RAB4B: variants seen among roughly 807,000 people sequenced by gnomAD.
RAB4B encodes RAB4B, member RAS oncogene family, also known as ras-related protein Rab-4B.
A neutral mutation model predicts 28.3 loss-of-function variants in RAB4B; 15 were observed. The observed-to-expected ratio is 0.53, with a 90% CI of 0.35 to 0.82. The LOEUF is 0.82. RAB4B is among the 40% of genes least tolerant of loss of function. RAB4B has a pLI of 0.01. For synonymous variants in RAB4B, 108 were observed against 116.3 expected, an observed-to-expected ratio of 0.93 and a Z score of 0.46; for missense variants, 244 against 288.5, an observed-to-expected ratio of 0.85 and a Z score of 1.12.
At chr19:40,794,220 G>T (rs1247024336) in intron 7 of RAB4B, among the ~76,000 whole-genome samples, 1 of 150,566 alleles carries the variant, frequency 6.6e-6, no homozygotes, top group African/African-American at 2.5e-5. Context: ...GATTACAGGC[G>T]CCCGCCACCA....
At chr19:40,796,480 T>C (rs1458409108) in intron 7 of RAB4B, 90 bp from the exon 8 acceptor site, 2 of 152,264 alleles carry the variant, frequency 1.3e-5, no homozygotes, top group African/African-American at 2.4e-5. Context: ...CCGATGCAGA[T>C]AGGAGGGGAA....
At position 40,786,658 on chromosome 19, in the gene RAB4B, C is replaced by G; in HGVS notation, c.431-7C>G. On this transcript the variant is annotated splice_polypyrimidine_tract_variant and splice_region_variant and intron_variant, in intron 5 of 7. Coordinates refer to ENST00000357052, the MANE Select transcript of RAB4B (RefSeq NM_016154.5). ...GGGCCCTGACCTCAGAGTGTGTGCC[C>G]CTGCAGAGCTGATGTTCCTGGAGAC... 1.9e-6 allele frequency: 3 copies of G among 1,613,814 alleles called. No homozygotes were observed. The highest frequency in any genetic ancestry group is 1.7e-5 in the Admixed American group (1 of 59,984).
At position 40,778,375 on chromosome 19, in the gene RAB4B, C is replaced by T; in HGVS notation, c.-1C>T. ...CGGCCCTCAGCGGCCGCGACCGAGT[C>T]ATGGCTGAGACCTACGGTGAGGGTG... On this transcript the variant is annotated 5_prime_UTR_variant, in exon 1 of 8. Coordinates refer to ENST00000357052, the MANE Select transcript of RAB4B (RefSeq NM_016154.5). 6.8e-7 allele frequency: 1 copy of T among 1,481,442 alleles called. No homozygotes were observed. The highest frequency in any genetic ancestry group is 8.9e-7 in the Non-Finnish European group (1 of 1,122,810). The allele number at this position is 1,481,442 out of a possible 1,614,324, so 91.8% of individuals were successfully genotyped here.
At chr19:40,793,558 T>G (rs550321668) in intron 7 of RAB4B, among the ~76,000 whole-genome samples, 1 of 147,226 alleles carries the variant, frequency 6.8e-6, no homozygotes, top group East Asian at 2.0e-4. Context: ...CTTTTTTCTT[T>G]TCTTTTCTTT....
At chr19:40,794,354 C>T (rs2083188428) in intron 7 of RAB4B, among the ~76,000 whole-genome samples, 1 of 151,970 alleles carries the variant, frequency 6.6e-6, no homozygotes, top group Non-Finnish European at 1.5e-5. Context: ...GGATTATAGG[C>T]ATGAGCCACT....
intron 3 of RAB4B, among the ~76,000 whole-genome samples, chr19:40,781,885 G>A (rs913993064): frequency 6.6e-6 from 1 of 151,972 alleles, no homozygotes; most frequent in African/African-American, 2.4e-5. Flanking sequence ...GCTGGGTGTG[G>A]TGGCAGACGC....
Position 40,786,958 on chromosome 19 carries a change from T to G in RAB4B, c.637T>G (p.Cys213Gly), listed in dbSNP as rs2083105782. Residue 213 changes from cysteine to glycine, a missense_variant, in exon 7 of 8, where the codon TGC (cysteine) becomes GGC (glycine). Cys to Gly is a radical substitution (Grantham distance 159). Coordinates refer to ENST00000357052, the MANE Select transcript of RAB4B (RefSeq NM_016154.5). ...AQAVAPQPCG[C>G] is the part of the protein sequence containing the mutation. The stretch of plus-strand genomic sequence containing the variant: ...GGCCGTGGCCCCTCAGCCGTGTGGC[T>G]GCTGAGCTCTGTGGAGCCAGGTGGG... The G allele has an allele frequency of 6.2e-7, 1 of 1,613,598 alleles. No homozygotes were observed. The highest frequency in any genetic ancestry group is 8.5e-7 in the Non-Finnish European group (1 of 1,179,790).
In RAB4B at chr19:40,778,281, G is replaced by C. The variant is rs1599736459; in HGVS notation, c.-95G>C. ...GGTGCCGGGCCCGGGGAGTAGGAAGGAGCCGGGGCTGTAGCCGGAGTGGAG... is the reference window on the plus strand; with the variant it reads ...GGTGCCGGGCCCGGGGAGTAGGAAGCAGCCGGGGCTGTAGCCGGAGTGGAG... On this transcript the variant is annotated 5_prime_UTR_variant, in exon 1 of 8. Coordinates refer to ENST00000357052, the MANE Select transcript of RAB4B (RefSeq NM_016154.5). 4.7e-6 allele frequency: 6 copies of C among 1,278,206 alleles called. No individual in the cohort carries two copies. The East Asian group carries it at 1.8e-4, about 38-fold the overall frequency. The allele number at this position is 1,278,206 out of a possible 1,614,324, so 79.2% of individuals were successfully genotyped here.
intron 3 of RAB4B, among the ~76,000 whole-genome samples, chr19:40,781,616 A>G (rs1203974633): frequency 1.3e-5 from 2 of 152,204 alleles, no homozygotes; most frequent in African/African-American, 4.8e-5. Context: ...CAAAAGAGAG[A>G]TGGAGAAATG....
chr19:40,787,757 T>G (rs2083115298), intron 7 of RAB4B, among the ~76,000 whole-genome samples: 1 of 149,156 alleles, frequency 6.7e-6, no homozygotes, highest in Non-Finnish European at 1.5e-5. Context: ...AGGTCAGGAG[T>G]TCTAGACCAG....
At chr19:40,780,569 G>T in intron 3 of RAB4B, 70 bp downstream of exon 3, 1 of 1,306,942 alleles carries the variant, frequency 7.7e-7, no homozygotes, top group East Asian at 2.5e-5. Context: ...TGTGTGTGTA[G>T]AGTCACTTGG....
intron 5 of RAB4B, among the ~76,000 whole-genome samples, chr19:40,784,659 C>T (rs1256977688): frequency 3.9e-5 from 6 of 152,252 alleles, no homozygotes; most frequent in Middle Eastern, 3.4e-3. Context: ...TCCTTAGCAC[C>T]CGCCACAGAG....
At position 40,789,034 on chromosome 19, in the gene RAB4B, C is replaced by T. The variant is rs181130098; in HGVS notation, c.*15+2056C>T. ...TGACCTTGTGATCTGCCCGCCTCGG[C>T]CTCTCAAAGTGCCGGGATTACAGTG... On this transcript the variant is annotated intron_variant, in intron 7 of 7. Transcript: ENST00000357052. 4.0e-5 allele frequency among the ~76,000 whole-genome samples: 6 copies of T among 151,802 alleles called. No homozygotes were observed. In the East Asian group the frequency reaches 7.8e-4, roughly 20 times the overall value.
intron 7 of RAB4B, among the ~76,000 whole-genome samples, chr19:40,791,493 T>C (rs1177807440): frequency 1.3e-5 from 2 of 152,068 alleles, no homozygotes; most frequent in Non-Finnish European, 2.9e-5. Context: ...TCCCTACCTC[T>C]CAGGCCACTC....
At chr19:40,795,360 G>A (rs971779867) in intron 7 of RAB4B, among the ~76,000 whole-genome samples, 1 of 148,312 alleles carries the variant, frequency 6.7e-6, no homozygotes, top group Non-Finnish European at 1.5e-5. Flanking sequence ...AGATACAAAG[G>A]CAGGTTCATT....
chr19:40,779,712 C>T (rs1599737815), intron 1 of RAB4B: 1 of 401,894 alleles, frequency 2.5e-6, no homozygotes, highest in South Asian at 2.9e-5. Flanking sequence ...CATTGCACTC[C>T]AGCCTGGGCA....
In RAB4B at chr19:40,783,919, AG is replaced by A. The variant is rs1405287409; in HGVS notation, c.276-1del. ...CCTCCCTCCCTTCTCCCTTCTCCAC[AG>A]CCGGGAGACATACAACTCACTGGCT... On this transcript the variant is annotated splice_acceptor_variant, in intron 4 of 7. Transcript: ENST00000357052. LOFTEE classifies it high-confidence loss of function. 6.2e-7 allele frequency: 1 copy of A among 1,602,558 alleles called. No individual in the cohort carries two copies. The highest frequency in any genetic ancestry group is 1.3e-5 in the African/African-American group (1 of 74,852).
intron 7 of RAB4B, among the ~76,000 whole-genome samples, chr19:40,793,554 T>C (rs982280480): frequency 2.5e-4 from 37 of 147,738 alleles, no homozygotes; most frequent in African/African-American, 8.5e-4. Context: ...TTTCCTTTTT[T>C]CTTTTCTTTT....
chr19:40,781,707 A>T lies in RAB4B; in HGVS notation c.212+1208A>T, dbSNP rs2083049911. ...TCTTCAGGAAATGCCTGCAGAGCAG[A>T]AAAGTTGATAGACACATAGAAACCT... is the stretch of plus-strand genomic sequence containing the variant. On this transcript the variant is annotated intron_variant, in intron 3 of 7. Coordinates refer to ENST00000357052, the MANE Select transcript of RAB4B (RefSeq NM_016154.5). Among the ~76,000 whole-genome samples, 4 of 152,276 alleles carry T rather than the reference A, an allele frequency of 2.6e-5. No individual in the cohort carries two copies. The South Asian group carries it at 8.3e-4, about 32-fold the overall frequency.
Sources: allele counts gnomAD v4.1 joint callset (sites outside exome capture counted in the v4.1 genomes callset), GRCh38; gene constraint gnomAD v4.1.1; transcripts MANE v1.5; gene names NCBI Gene and HGNC (gene_info 2026-07-23, HGNC 2026-07-21).